The following LZTFL1 variants were observed in gnomAD, a reference collection of about 807,000 sequenced individuals.
LZTFL1 encodes the protein leucine zipper transcription factor like 1.
Under a neutral mutation model 45.9 loss-of-function variants are expected in LZTFL1, and 25 were observed. That is an observed-to-expected ratio of 0.54 (90% CI 0.40 to 0.76). LZTFL1 has a LOEUF of 0.76. Among genes scored for constraint, LZTFL1 ranks in the 30% least tolerant of loss-of-function variants. The pLI is 0.00. For synonymous variants in LZTFL1, 93 were observed against 117.4 expected (o/e 0.79, Z 1.35); for missense variants, 277 against 331.1 (o/e 0.84, Z 1.27).
At chr3:45,864,579 T>G (rs542687742) in intron 2 of LZTFL1, among the ~76,000 whole-genome samples, 1 of 152,354 alleles carries the variant, frequency 6.6e-6, no homozygotes, top group South Asian at 2.1e-4. Context: ...AATATGCAAC[T>G]TTATTACAAT....
intron 4 of LZTFL1, among the ~76,000 whole-genome samples, chr3:45,847,331 G>A (rs752938849): frequency 6.6e-6 from 1 of 152,146 alleles, no homozygotes; most frequent in Admixed American, 6.5e-5. Flanking sequence ...GCAGTGGTGT[G>A]TAATCTTTCC....
intron 2 of LZTFL1, among the ~76,000 whole-genome samples, chr3:45,898,103 T>G (rs1329743165): frequency 1.3e-5 from 2 of 152,078 alleles, no homozygotes; most frequent in Admixed American, 6.5e-5. Flanking sequence ...TCATCTGCAT[T>G]GTTTTACTGA....
intron 2 of LZTFL1, among the ~76,000 whole-genome samples, chr3:45,869,951 C>T (rs907951684): frequency 2.6e-5 from 4 of 152,262 alleles, no homozygotes; most frequent in Admixed American, 6.5e-5. Context: ...CAAAAGTACT[C>T]GAGTTCCCAT....
At chr3:45,871,285 C>A (rs1701666797) in intron 2 of LZTFL1, among the ~76,000 whole-genome samples, 1 of 152,206 alleles carries the variant, frequency 6.6e-6, no homozygotes, top group African/African-American at 2.4e-5. Context: ...GCTGTCATCT[C>A]TTTCCAGTGT....
chr3:45,906,875 C>T (rs968716759), intron 2 of LZTFL1, among the ~76,000 whole-genome samples: 1 of 152,250 alleles, frequency 6.6e-6, no homozygotes, highest in Non-Finnish European at 1.5e-5. Context: ...CTGCCCCATT[C>T]CCCTGCCTCT....
intron 2 of LZTFL1, among the ~76,000 whole-genome samples, chr3:45,877,234 T>C (rs995998277): frequency 2.9e-4 from 43 of 146,188 alleles, no homozygotes; most frequent in African/African-American, 5.7e-4. Flanking sequence ...AAGCATCTCT[T>C]TTTTTTTTTT....
intron 2 of LZTFL1, among the ~76,000 whole-genome samples, chr3:45,898,298 C>A (rs1194711729): frequency 6.6e-6 from 1 of 152,182 alleles, no homozygotes; most frequent in African/African-American, 2.4e-5. Flanking sequence ...GTTCCCGTGT[C>A]CAGCGTTGGG....
At chr3:45,899,229 CAGG>C (rs1288839111) in intron 2 of LZTFL1, among the ~76,000 whole-genome samples, 1 of 152,200 alleles carries the variant, frequency 6.6e-6, no homozygotes, top group Non-Finnish European at 1.5e-5. Context: ...TCAATGTGCT[CAGG>C]AGTATTGTGA....
At chr3:45,906,963 G>C (rs1702694823) in intron 2 of LZTFL1, among the ~76,000 whole-genome samples, 1 of 152,204 alleles carries the variant, frequency 6.6e-6, no homozygotes, top group Non-Finnish European at 1.5e-5. Context: ...GTGGCTTTAG[G>C]TCAGATTCCC....
rs757490231 is a variant in LZTFL1, at chr3:45,835,648, CA to C, written c.264del (p.Phe88LeufsTer24). ...TTAAGATACCACTTCTCAGCTTGTG[CA>C]AACAGCTGTCGCAGAAGTAACACAT... The part of the protein sequence containing the change: ...YTNVLLLRQL[F>X]AQAEKWYLKL... On this transcript the variant is annotated frameshift_variant, in exon 3 of 10. Transcript: ENST00000296135. LOFTEE classifies it high-confidence loss of function. 1 of 1,614,044 alleles carries C rather than the reference CA, an allele frequency of 6.2e-7. No individual in the cohort carries two copies. The highest frequency in any genetic ancestry group is 1.3e-5 in the African/African-American group (1 of 74,918).
At chr3:45,909,045 G>T (rs564870854) in intron 2 of LZTFL1, among the ~76,000 whole-genome samples, 3 of 152,288 alleles carry the variant, frequency 2.0e-5, no homozygotes, top group South Asian at 4.1e-4. Context: ...TTGTGAACAT[G>T]CAAAGGATCT....
chr3:45,904,249 T>A (rs1370816299), intron 2 of LZTFL1, among the ~76,000 whole-genome samples: 4 of 152,246 alleles, frequency 2.6e-5, no homozygotes, highest in Non-Finnish European at 4.4e-5. Context: ...CTCAAATATG[T>A]ACTTCATGTG....
exon 1 of LZTFL1, chr3:45,915,450 A>G (rs1191402716): frequency 4.4e-6 from 2 of 452,322 alleles, no homozygotes; most frequent in African/African-American, 4.0e-5. Flanking sequence ...GCCTCCCAGA[A>G]ATGGCTTCCT....
At chr3:45,886,592 T>C (rs1026621688) in intron 2 of LZTFL1, 1 of 152,224 alleles carries the variant, frequency 6.6e-6, no homozygotes, top group Non-Finnish European at 1.5e-5. Flanking sequence ...AACCCAGCTC[T>C]TTCCCCAGAC....
At chr3:45,896,399 C>A (rs1702357755) in intron 2 of LZTFL1, among the ~76,000 whole-genome samples, 1 of 152,174 alleles carries the variant, frequency 6.6e-6, no homozygotes, top group Non-Finnish European at 1.5e-5. Flanking sequence ...CCCCTGTGGC[C>A]CTGACTCCCA....
chr3:45,886,402 T>C (rs1701982175), intron 2 of LZTFL1: 2 of 152,392 alleles, frequency 1.3e-5, no homozygotes, highest in South Asian at 2.1e-4. Flanking sequence ...TTTTTGTTTC[T>C]GGTTGCAAAT....
chr3:45,899,414 A>G (rs1276408608), intron 2 of LZTFL1, among the ~76,000 whole-genome samples: 2 of 152,242 alleles, frequency 1.3e-5, no homozygotes, highest in Non-Finnish European at 2.9e-5. Flanking sequence ...TGCTATTTAA[A>G]TATAAACATT....
At chr3:45,836,686 T>A (rs1271426600) in intron 2 of LZTFL1, among the ~76,000 whole-genome samples, 1 of 152,086 alleles carries the variant, frequency 6.6e-6, no homozygotes, top group African/African-American at 2.4e-5. Context: ...AAACTACTCT[T>A]ACATAGAGAA....
Position 45,897,674 on chromosome 3 carries a change from C to T in LZTFL1, c.-215+15446G>A, listed in dbSNP as rs551725480. ...TAAGTGATGCTGGCCTTCCCACCTG[C>T]CCCCTCTCATTTGTTCCCCAGGAAC... On this transcript the variant is annotated intron_variant, in intron 2 of 4. Coordinates refer to the LZTFL1 transcript ENST00000472635. The T allele has an allele frequency of 1.6e-4, 225 of 1,408,584 alleles. 1 individual carries two copies. The African/African-American group carries it at 2.8e-3, about 18-fold the overall frequency. The allele number at this position is 1,408,584 out of a possible 1,614,324, so 87.3% of individuals were successfully genotyped here. A position where few individuals can be genotyped will look rare whatever the true frequency, so the allele number is the denominator to read the frequency against.
Sources: allele counts gnomAD v4.1 joint callset (sites outside exome capture counted in the v4.1 genomes callset), GRCh38; gene constraint gnomAD v4.1.1; transcripts MANE v1.5; gene names NCBI Gene and HGNC (gene_info 2026-07-23, HGNC 2026-07-21).